Variants in ZHX2 observed in about 807,000 individuals in gnomAD.
ZHX2 encodes the protein zinc fingers and homeoboxes 2.
Under a neutral mutation model 21.9 loss-of-function variants are expected in ZHX2, and 6 were observed. The observed-to-expected ratio is 0.27, with a 90% CI of 0.15 to 0.54. The LOEUF (loss-of-function observed/expected upper bound fraction) is 0.54, where lower values mean the gene tolerates loss of function less well. ZHX2 is among the 20% of genes least tolerant of loss of function. The pLI is 0.95. For synonymous variants in ZHX2, 434 were observed against 437.1 expected (o/e 0.99, Z 0.09); for missense variants, 908 against 1,090.7 (o/e 0.83, Z 2.36).
chr8:122,840,063 G>A (rs1429733648), intron 1 of ZHX2, among the ~76,000 whole-genome samples: 2 of 152,178 alleles, frequency 1.3e-5, no homozygotes, highest in African/African-American at 4.8e-5. Flanking sequence ...CTAGAATCCA[G>A]ATTGTCTGAC....
intron 1 of ZHX2, among the ~76,000 whole-genome samples, chr8:122,794,900 G>A (rs906514906): frequency 6.6e-6 from 1 of 152,136 alleles, no homozygotes; most frequent in Non-Finnish European, 1.5e-5. Flanking sequence ...GGAGATATTT[G>A]TTCTCTTCTC....
chr8:122,783,974 T>C (rs1817344759), intron 1 of ZHX2, among the ~76,000 whole-genome samples: 1 of 152,248 alleles, frequency 6.6e-6, no homozygotes, highest in Non-Finnish European at 1.5e-5. Flanking sequence ...CCAGGTTTGC[T>C]GTCAGCTAAA....
chr8:122,967,753 A>C lies in ZHX2; in HGVS notation c.*5-5489A>C, dbSNP rs576303635. Among the ~76,000 whole-genome samples, 8 of 152,318 alleles carry C rather than the reference A, an allele frequency of 5.3e-5. No individual in the cohort carries two copies. In the East Asian group the frequency reaches 1.5e-3, roughly 29 times the overall value. On this transcript the variant is annotated intron_variant, in intron 3 of 3. Transcript: ENST00000314393. ...GGTTGTTCTGTTATGAGTTGCTGTA[A>C]TGGCTTGAGTTGGTTGGCCTCCAGC...
At chr8:122,882,896 C>T (rs914203336) in intron 2 of ZHX2, among the ~76,000 whole-genome samples, 8 of 152,050 alleles carry the variant, frequency 5.3e-5, no homozygotes, top group Non-Finnish European at 7.4e-5. Context: ...GTAGGAGAAT[C>T]GCTTGAACCT....
intron 3 of ZHX2, among the ~76,000 whole-genome samples, chr8:122,963,876 TG>T (rs58696345): frequency 0.62 from 92,461 of 150,338 alleles, 28,998 homozygotes; most frequent in African/African-American, 0.75. Flanking sequence ...GGGTTTTTTT[TG>T]TTGTTGTTTC....
At chr8:122,879,830 A>G (rs4871320) in intron 2 of ZHX2, among the ~76,000 whole-genome samples, 59,267 of 151,862 alleles carry the variant, frequency 0.39, 13,100 homozygotes, top group African/African-American at 0.61. Context: ...GCTTCTGGAG[A>G]ACATCTTGCC....
chr8:122,906,739 C>T (rs750910373), intron 2 of ZHX2, among the ~76,000 whole-genome samples: 7 of 144,182 alleles, frequency 4.9e-5, no homozygotes, highest in Non-Finnish European at 7.5e-5. Context: ...AGGGCTATCT[C>T]AGCTCACTGC....
At chr8:122,870,656 AAAAAAAAAAAG>A (rs1819410585) in intron 2 of ZHX2, among the ~76,000 whole-genome samples, 1 of 145,640 alleles carries the variant, frequency 6.9e-6, no homozygotes, top group African/African-American at 2.7e-5. Flanking sequence ...AAAAAAAAAA[AAAAAAAAAAAG>A]AAAGAGAAAG....
intron 1 of ZHX2, among the ~76,000 whole-genome samples, chr8:122,818,620 C>T (rs1443842469): frequency 2.6e-5 from 4 of 152,204 alleles, no homozygotes; most frequent in Non-Finnish European, 5.9e-5. Flanking sequence ...TCCCACATTC[C>T]CTGTTAGTCT....
chr8:122,848,581 T>C (rs1205928505), intron 1 of ZHX2, among the ~76,000 whole-genome samples: 2 of 152,108 alleles, frequency 1.3e-5, no homozygotes, highest in African/African-American at 4.8e-5. Context: ...TTCACAGGCC[T>C]TGTTTGCAGG....
At chr8:122,934,471 T>G (rs1003344802) in intron 2 of ZHX2, among the ~76,000 whole-genome samples, 3 of 152,192 alleles carry the variant, frequency 2.0e-5, no homozygotes, top group Admixed American at 1.3e-4. Flanking sequence ...CCCCAAATCT[T>G]GTGGTTGACC....
At chr8:122,971,182 ACTAG>A (rs951662369) in intron 3 of ZHX2, among the ~76,000 whole-genome samples, 25 of 152,116 alleles carry the variant, frequency 1.6e-4, no homozygotes, top group African/African-American at 6.0e-4. Flanking sequence ...GGTGTGAGAA[ACTAG>A]CTACTCTCAC....
chr8:122,897,756 T>C (rs1820134600), intron 2 of ZHX2, among the ~76,000 whole-genome samples: 1 of 151,700 alleles, frequency 6.6e-6, no homozygotes, highest in African/African-American at 2.4e-5. Context: ...GCCTCTTGCC[T>C]CTTGCCTCAT....
chr8:122,922,276 A>C (rs1184915647), intron 2 of ZHX2, among the ~76,000 whole-genome samples: 1 of 79,424 alleles, frequency 1.3e-5, no homozygotes, highest in Non-Finnish European at 2.6e-5. Context: ...TGAGTTCATG[A>C]AAAAAAAAAA....
At chr8:122,899,567 C>T (rs756841917) in intron 2 of ZHX2, among the ~76,000 whole-genome samples, 5 of 152,162 alleles carry the variant, frequency 3.3e-5, no homozygotes, top group Admixed American at 2.0e-4. Context: ...TGGCTACACT[C>T]AATACACCCC....
chr8:122,955,217 T>G, intron 3 of ZHX2, among the ~76,000 whole-genome samples: 1 of 146,998 alleles, frequency 6.8e-6, no homozygotes, highest in South Asian at 2.3e-4. Context: ...TGGTGGTGAG[T>G]TGAGAAATGG....
At chr8:122,923,124 G>A (rs1315674267) in intron 2 of ZHX2, among the ~76,000 whole-genome samples, 1 of 152,218 alleles carries the variant, frequency 6.6e-6, no homozygotes, top group Admixed American at 6.5e-5. Context: ...GATATCTTGG[G>A]TCGGCCTCTG....
chr8:122,956,976 G>A (rs371515275), intron 3 of ZHX2, among the ~76,000 whole-genome samples: 155 of 152,292 alleles, frequency 1.0e-3, no homozygotes, highest in Middle Eastern at 3.4e-3. Flanking sequence ...CAGTAATGAG[G>A]GAGGGAATGT....
At chr8:122,804,433 C>A (rs922426036) in intron 1 of ZHX2, among the ~76,000 whole-genome samples, 2 of 152,160 alleles carry the variant, frequency 1.3e-5, no homozygotes, top group Non-Finnish European at 2.9e-5. Flanking sequence ...ATTCATTCAA[C>A]AAACATTCAT....
Sources: gnomAD v4.1 joint callset for allele counts (sites outside exome capture counted in the v4.1 genomes callset) on GRCh38, gnomAD v4.1.1 for gene constraint, MANE v1.5 for transcripts, NCBI Gene and HGNC (gene_info 2026-07-23, HGNC 2026-07-21) for gene names.